The following SERINC5 variants were observed in gnomAD, a reference collection of about 807,000 sequenced individuals.
SERINC5 encodes the protein chromosome 5 open reading frame 12.
A neutral mutation model predicts 63.1 loss-of-function variants in SERINC5; 41 were observed. That is an observed-to-expected ratio of 0.65 (90% CI 0.51 to 0.84). The LOEUF (loss-of-function observed/expected upper bound fraction) is 0.84. Ranked by LOEUF, SERINC5 falls within the 40% of genes least tolerant of loss-of-function variation. SERINC5 has a pLI of 0.00. For synonymous variants in SERINC5, 222 were observed against 215.2 expected (o/e 1.03, Z -0.28); for missense variants, 523 against 573.0 (o/e 0.91, Z 0.89).
chr5:80,231,012 C>T (rs986799930), intron 1 of SERINC5, among the ~76,000 whole-genome samples: 2 of 151,660 alleles, frequency 1.3e-5, no homozygotes, highest in Non-Finnish European at 2.9e-5. Flanking sequence ...GGGTTTTGCC[C>T]GGCTGGTCTC....
chr5:80,249,155 A>G (rs1167670125), intron 1 of SERINC5, among the ~76,000 whole-genome samples: 1 of 152,146 alleles, frequency 6.6e-6, no homozygotes, highest in African/African-American at 2.4e-5. Context: ...TCTACTAAAA[A>G]TACAAAAAAA....
At chr5:80,119,100 ATCTT>A (rs1465899699) in intron 11 of SERINC5, among the ~76,000 whole-genome samples, 2 of 152,168 alleles carry the variant, frequency 1.3e-5, no homozygotes, top group African/African-American at 4.8e-5. Context: ...GTTATTTAAT[ATCTT>A]TGAACCTCAG....
chr5:80,133,728 A>C (rs1191897104), downstream of SERINC5, among the ~76,000 whole-genome samples: 1 of 152,238 alleles, frequency 6.6e-6, no homozygotes, highest in African/African-American at 2.4e-5. Context: ...ATTACAATAA[A>C]GAGTTTAATC....
In SERINC5 at chr5:80,255,556, C is replaced by T. The variant is rs375504587; in HGVS notation, c.27+340G>A. On this transcript the variant is annotated intron_variant, in intron 1 of 11. Coordinates refer to ENST00000507668, the MANE Select transcript of SERINC5 (RefSeq NM_001174072.3). ...AAGCAGAGTGGAGAGGGCTACGGAGCTCAGCGCTATTCACCAGTGCTCGGC... is the reference window on the plus strand; with the variant it reads ...AAGCAGAGTGGAGAGGGCTACGGAGTTCAGCGCTATTCACCAGTGCTCGGC... Among the ~76,000 whole-genome samples the T allele has an allele frequency of 2.6e-5, 4 of 152,334 alleles. No homozygotes were observed. In the East Asian group the frequency reaches 7.8e-4, roughly 30 times the overall value.
In SERINC5 at chr5:80,158,916, A is replaced by G; in HGVS notation, c.906T>C (p.Phe302=). 8 of 1,613,780 alleles carry G rather than the reference A, an allele frequency of 5.0e-6. No individual in the cohort carries two copies. Among genetic ancestry groups the G allele is most frequent in the Non-Finnish European group, 6.8e-6 (8 of 1,179,732 alleles). The change falls in exon 8 of 12, where the codon TTT becomes TTC. Residue 302 remains phenylalanine (F), a synonymous_variant. Transcript: ENST00000507668. ...TTTCATCTCTGTACAGGTCTTGACC[A>G]AAGTCAGGCACACAGATTGTAACAT... ...GKNVTICVPD[F]GQDLYRDENL...
At position 80,143,432 on chromosome 5, in the gene SERINC5, T is replaced by G; in HGVS notation, c.*231A>C. On this transcript the variant is annotated 3_prime_UTR_variant, in exon 12 of 12. Coordinates refer to ENST00000507668, the MANE Select transcript of SERINC5 (RefSeq NM_001174072.3). The stretch of plus-strand genomic sequence containing the variant: ...GTATCCAGTTCCTAGGGGTAAGATA[T>G]TTCAACCATGATCAGTTTGGTTGAA... 7.8e-7 allele frequency: 1 copy of G among 1,287,232 alleles called. No individual in the cohort carries two copies. The highest frequency in any genetic ancestry group is 3.7e-5 in the Admixed American group (1 of 27,078). The allele number at this position is 1,287,232 out of a possible 1,614,324, so 79.7% of individuals were successfully genotyped here.
At chr5:80,152,062 C>A (rs1244354431) in intron 8 of SERINC5, among the ~76,000 whole-genome samples, 1 of 152,222 alleles carries the variant, frequency 6.6e-6, no homozygotes, top group Non-Finnish European at 1.5e-5. Context: ...AGTACAACAG[C>A]ATCACTTTCA....
intron 8 of SERINC5, among the ~76,000 whole-genome samples, chr5:80,156,206 C>G (rs112216132): frequency 0.018 from 2,810 of 152,194 alleles, 82 homozygotes; most frequent in African/African-American, 0.062. Context: ...CTAGATATTC[C>G]TGCAATTATG....
At chr5:80,211,971 C>T (rs1016146643) in intron 1 of SERINC5, among the ~76,000 whole-genome samples, 2 of 152,120 alleles carry the variant, frequency 1.3e-5, no homozygotes, top group Non-Finnish European at 2.9e-5. Flanking sequence ...GAGTATGAAC[C>T]CCTCGGCCAT....
chr5:80,147,543 C>T (rs779989922), intron 9 of SERINC5, among the ~76,000 whole-genome samples: 15 of 152,128 alleles, frequency 9.9e-5, no homozygotes, highest in Non-Finnish European at 1.0e-4. Context: ...AGCTCCTTTA[C>T]CCTTCCTGGG....
chr5:80,242,429 T>A (rs1318414076), intron 1 of SERINC5, among the ~76,000 whole-genome samples: 2 of 151,996 alleles, frequency 1.3e-5, no homozygotes, highest in Non-Finnish European at 2.9e-5. Context: ...ACCAGCCTGG[T>A]CAACATGGCG....
At chr5:80,185,740 G>C (rs192787462) in intron 2 of SERINC5, among the ~76,000 whole-genome samples, 3 of 152,034 alleles carry the variant, frequency 2.0e-5, no homozygotes, top group African/African-American at 7.3e-5. Context: ...TTTTGACCCC[G>C]GATGAGTCAG....
In SERINC5 at chr5:80,166,597, A is replaced by C. The variant is rs544788929; in HGVS notation, c.764-119T>G. Reference sequence around the variant, plus strand: ...AACTTGAGCATCCACCTTTAAAGGAAAGAAAAGAGAAAAAAATGTAGTATG... The same window carrying C: ...AACTTGAGCATCCACCTTTAAAGGACAGAAAAGAGAAAAAAATGTAGTATG... On this transcript the variant is annotated intron_variant, in intron 6 of 11. Transcript: ENST00000507668. 33 of 618,262 alleles carry C rather than the reference A, an allele frequency of 5.3e-5. 1 individual carries two copies. The South Asian group carries it at 6.2e-4, about 12-fold the overall frequency. The allele number at this position is 618,262 out of a possible 1,614,324, so 38.3% of individuals were successfully genotyped here.
chr5:80,142,851 A>G lies in SERINC5; in HGVS notation c.*812T>C. The G allele has an allele frequency of 1.0e-6, 1 of 985,448 alleles. No individual in the cohort carries two copies. Among genetic ancestry groups the G allele is most frequent in the Non-Finnish European group, 1.2e-6 (1 of 829,918 alleles). 61.0% of individuals were successfully genotyped at this position (985,448 alleles called of 1,614,324 possible). On this transcript the variant is annotated 3_prime_UTR_variant, in exon 12 of 12. Transcript: ENST00000507668. ...ATAGCCCTCCATTGCTTAGGCAGAG[A>G]AAACATGAATCTTGTTCTATAATCA...
chr5:80,229,294 G>C (rs550404655), intron 1 of SERINC5, among the ~76,000 whole-genome samples: 1 of 150,866 alleles, frequency 6.6e-6, no homozygotes, highest in South Asian at 2.1e-4. Context: ...AAAGTGCTGG[G>C]ATCACAGGGG....
rs1580174349 is a variant in SERINC5, at chr5:80,212,005, A to C, written c.28-8952T>G. Among the ~76,000 whole-genome samples, 5 of 152,250 alleles carry C rather than the reference A, an allele frequency of 3.3e-5. 1 individual carries two copies. The highest frequency in any genetic ancestry group is 3.3e-4 in the Admixed American group (5 of 15,300). On this transcript the variant is annotated intron_variant, in intron 1 of 11. Transcript: ENST00000507668. ...ATATGGAAACCAACTATTCTGAAGGACTTGCTCCTCAACGGGGCTGGACAG... is the reference window on the plus strand; with the variant it reads ...ATATGGAAACCAACTATTCTGAAGGCCTTGCTCCTCAACGGGGCTGGACAG...
rs541550423 is a variant in SERINC5 at position 80,201,482 on chromosome 5, T to C, written c.195+1404A>G. Among the ~76,000 whole-genome samples, 14 of 152,108 alleles carry C rather than the reference T, an allele frequency of 9.2e-5. No homozygotes were observed. In the South Asian group the frequency reaches 2.1e-3, roughly 23 times the overall value. ...TGGGTGAGTCTGAGTCATTTGGGGG[T>C]TCAGTAAAAGCCTGCTTCCCTGAAG... On this transcript the variant is annotated intron_variant, in intron 2 of 11. Transcript: ENST00000507668.
Position 80,138,786 on chromosome 5 carries a change from G to T in SERINC5, c.*4877C>A. 3.1e-6 allele frequency: 3 copies of T among 982,366 alleles called. No individual in the cohort carries two copies. The highest frequency in any genetic ancestry group is 3.6e-6 in the Non-Finnish European group (3 of 827,186). 60.9% of individuals were successfully genotyped at this position (982,366 alleles called of 1,614,324 possible). A position where few individuals can be genotyped will look rare whatever the true frequency, so the allele number is the denominator to read the frequency against. On this transcript the variant is annotated 3_prime_UTR_variant, in exon 12 of 12. Coordinates refer to ENST00000507668, the MANE Select transcript of SERINC5 (RefSeq NM_001174072.3). ...ATTAAAGGATCAGCATAGACTCCAT[G>T]AAACTTGAGAGACCTGATTAACATC...
intron 1 of SERINC5, among the ~76,000 whole-genome samples, chr5:80,229,056 T>TGGGGGGGGGGGGG (rs1554070815): frequency 2.7e-5 from 2 of 72,740 alleles, no homozygotes; most frequent in Non-Finnish European, 5.0e-5. Context: ...TTTTTGGGGA[T>TGGGGGGGGGGGGG]GGAGTTGCCT....
Sources: allele counts gnomAD v4.1 joint callset (sites outside exome capture counted in the v4.1 genomes callset), GRCh38; gene constraint gnomAD v4.1.1; transcripts MANE v1.5; gene names NCBI Gene and HGNC (gene_info 2026-07-23, HGNC 2026-07-21).